FREM3: variants seen among roughly 807,000 people sequenced by gnomAD.
FREM3 encodes the protein FRAS1-related extracellular matrix protein 3.
A neutral mutation model predicts 129.1 loss-of-function variants in FREM3; 105 were observed. The observed-to-expected ratio is 0.81, with a 90% CI of 0.69 to 0.96. FREM3 has a LOEUF of 0.96. FREM3 is among the 40% of genes least tolerant of loss of function. The pLI is 0.00. For synonymous variants in FREM3, 1,014 were observed against 1,044.9 expected, an observed-to-expected ratio of 0.97 and a Z score of 0.57; for missense variants, 2,593 against 2,666.3, an observed-to-expected ratio of 0.97 and a Z score of 0.61.
chr4:143,671,124 T>G (rs1403252297), intron 2 of FREM3, among the ~76,000 whole-genome samples: 1 of 152,156 alleles, frequency 6.6e-6, no homozygotes, highest in Non-Finnish European at 1.5e-5. Context: ...CCTCTACAAA[T>G]CACAAAATGA....
chr4:143,670,407 T>C (rs1167428778), intron 2 of FREM3, among the ~76,000 whole-genome samples: 1 of 152,326 alleles, frequency 6.6e-6, no homozygotes, highest in East Asian at 1.9e-4. Context: ...CATATGTATT[T>C]ATAATTATCT....
At chr4:143,620,799 A>G (rs1280575689) in intron 5 of FREM3, among the ~76,000 whole-genome samples, 1 of 152,228 alleles carries the variant, frequency 6.6e-6, no homozygotes, top group Non-Finnish European at 1.5e-5. Context: ...GTTAAAATAG[A>G]TATTTTAATC....
chr4:143,694,240 G>A (rs1435993668), intron 1 of FREM3, among the ~76,000 whole-genome samples: 3 of 152,124 alleles, frequency 2.0e-5, no homozygotes, highest in Non-Finnish European at 1.5e-5. Context: ...GTCTAGTTAC[G>A]TCTGCTTTAC....
Position 143,656,947 on chromosome 4 carries a change from A to G in FREM3, c.5276-29187T>C, listed in dbSNP as rs763767496. Among the ~76,000 whole-genome samples the G allele has an allele frequency of 7.2e-5, 11 of 152,238 alleles. 1 individual carries two copies. The highest frequency in any genetic ancestry group is 2.1e-4 in the South Asian group (1 of 4,832). Reference sequence around the variant, plus strand: ...AAGCCCCAGAAGTGTCTGATTGTTTATATTCAACAACATAGAACATAAAAT... The same window carrying G: ...AAGCCCCAGAAGTGTCTGATTGTTTGTATTCAACAACATAGAACATAAAAT... On this transcript the variant is annotated intron_variant, in intron 2 of 7. Coordinates refer to ENST00000329798, the MANE Select transcript of FREM3 (RefSeq NM_001168235.2).
At chr4:143,694,965 C>A (rs1278783780) in intron 1 of FREM3, among the ~76,000 whole-genome samples, 1 of 151,990 alleles carries the variant, frequency 6.6e-6, no homozygotes, top group Non-Finnish European at 1.5e-5. Flanking sequence ...AGTAGTGACA[C>A]CAAATATAAA....
At chr4:143,658,513 G>T (rs1157345261) in intron 2 of FREM3, among the ~76,000 whole-genome samples, 2 of 152,128 alleles carry the variant, frequency 1.3e-5, no homozygotes, top group African/African-American at 4.8e-5. Flanking sequence ...CAGCCTGAAT[G>T]GACTGAGAGA....
intron 6 of FREM3, among the ~76,000 whole-genome samples, chr4:143,586,614 C>G (rs1372008360): frequency 6.6e-6 from 1 of 152,146 alleles, no homozygotes; most frequent in Non-Finnish European, 1.5e-5. Context: ...GCACAGACAC[C>G]AGGCTTCAGC....
intron 2 of FREM3, among the ~76,000 whole-genome samples, chr4:143,635,295 A>G (rs890318476): frequency 2.7e-4 from 41 of 152,342 alleles, no homozygotes; most frequent in African/African-American, 9.1e-4. Context: ...GTAAAAAAGA[A>G]TAGCTTGAAG....
intron 2 of FREM3, among the ~76,000 whole-genome samples, chr4:143,680,189 C>G (rs1578866775): frequency 6.6e-6 from 1 of 151,264 alleles, no homozygotes; most frequent in Non-Finnish European, 1.5e-5. Flanking sequence ...ATCTTAACAT[C>G]TTGCTGTATA....
chr4:143,687,132 C>T (rs1403730591), intron 2 of FREM3, among the ~76,000 whole-genome samples: 1 of 151,772 alleles, frequency 6.6e-6, no homozygotes, highest in Non-Finnish European at 1.5e-5. Flanking sequence ...GAGAGAAAAT[C>T]CAAATAACCT....
intron 2 of FREM3, among the ~76,000 whole-genome samples, chr4:143,646,363 A>G (rs1739415522): frequency 6.6e-6 from 1 of 152,176 alleles, no homozygotes; most frequent in South Asian, 2.1e-4. Context: ...ACTAAGCATT[A>G]GTTGGTTTTC....
intron 2 of FREM3, among the ~76,000 whole-genome samples, chr4:143,670,278 A>T (rs1021326531): frequency 6.6e-6 from 1 of 152,212 alleles, no homozygotes; most frequent in African/African-American, 2.4e-5. Context: ...TGAAAAATGA[A>T]GTATTTTACT....
chr4:143,661,553 T>G (rs1274344668), intron 2 of FREM3, among the ~76,000 whole-genome samples: 7 of 151,876 alleles, frequency 4.6e-5, no homozygotes. Flanking sequence ...AAATTCTCTT[T>G]TTTGGTTGTG....
chr4:143,673,505 G>A (rs1309533075), intron 2 of FREM3, among the ~76,000 whole-genome samples: 1 of 152,184 alleles, frequency 6.6e-6, no homozygotes, highest in East Asian at 1.9e-4. Flanking sequence ...TGCCCCTACT[G>A]GGGGGTGCCT....
intron 2 of FREM3, among the ~76,000 whole-genome samples, chr4:143,675,540 C>A (rs1042688403): frequency 3.9e-5 from 6 of 152,064 alleles, no homozygotes; most frequent in East Asian, 1.9e-4. Flanking sequence ...TAACTAAGAT[C>A]AGAGCAGAAC....
intron 7 of FREM3, among the ~76,000 whole-genome samples, chr4:143,579,534 T>G (rs1371995814): frequency 6.6e-6 from 1 of 152,218 alleles, no homozygotes; most frequent in Non-Finnish European, 1.5e-5. Context: ...CTCATGGACT[T>G]TGACTCAAAT....
At chr4:143,617,184 C>T (rs762616150) in intron 5 of FREM3, among the ~76,000 whole-genome samples, 1 of 151,998 alleles carries the variant, frequency 6.6e-6, no homozygotes, top group South Asian at 2.1e-4. Flanking sequence ...AGAATCTTTG[C>T]GCTTAAAACA....
At chr4:143,615,377 A>G (rs2149840002) in intron 5 of FREM3, among the ~76,000 whole-genome samples, 1 of 152,322 alleles carries the variant, frequency 6.6e-6, no homozygotes, top group South Asian at 2.1e-4. Flanking sequence ...CAAGACAAGC[A>G]ATCACCCTCT....
intron 2 of FREM3, among the ~76,000 whole-genome samples, chr4:143,640,331 G>GA (rs1317381369): frequency 2.6e-5 from 4 of 152,102 alleles, no homozygotes; most frequent in African/African-American, 7.2e-5. Flanking sequence ...GCTTTCTGGA[G>GA]AAAAAAATGA....
Sources: gnomAD v4.1 joint callset for allele counts (sites outside exome capture counted in the v4.1 genomes callset) on GRCh38, gnomAD v4.1.1 for gene constraint, MANE v1.5 for transcripts, NCBI Gene and HGNC (gene_info 2026-07-23, HGNC 2026-07-21) for gene names.